TGFBR3: variants seen among roughly 807,000 people sequenced by gnomAD.
The protein encoded by TGFBR3 is transforming growth factor beta receptor type 3.
A neutral mutation model predicts 87.9 loss-of-function variants in TGFBR3; 46 were observed. That is an observed-to-expected ratio of 0.52 (90% CI 0.41 to 0.67). The LOEUF (loss-of-function observed/expected upper bound fraction) is 0.67, where lower values mean the gene tolerates loss of function less well. TGFBR3 is among the 30% of genes least tolerant of loss of function. The pLI, the probability that TGFBR3 is intolerant of heterozygous loss-of-function variation, is 0.00. For synonymous variants in TGFBR3, 381 were observed against 391.6 expected (o/e 0.97, Z 0.32); for missense variants, 866 against 1,041.9 (o/e 0.83, Z 2.32).
chr1:91,721,089 G>C (rs1191334833), intron 8 of TGFBR3, among the ~76,000 whole-genome samples: 3 of 152,120 alleles, frequency 2.0e-5, no homozygotes, highest in Non-Finnish European at 4.4e-5. Flanking sequence ...ATGTACACTT[G>C]AGGTCAAATC....
In TGFBR3 at chr1:91,729,903, A is replaced by G. The variant is rs1484965787; in HGVS notation, c.639T>C (p.Leu213=). ...FLSLNYLAEY[L]QPKAAEGCVM... ...CACACCCTTCTGCTGCTTTGGGTTG[A>G]AGGTACTCAGCAAGGTAATTGAGTG... Residue 213 remains leucine, a synonymous_variant, in exon 6 of 17, where the codon CTT becomes CTC. Transcript: ENST00000212355. The G allele has an allele frequency of 6.2e-7, 1 of 1,614,144 alleles. No homozygotes were observed. The highest frequency in any genetic ancestry group is 8.5e-7 in the Non-Finnish European group (1 of 1,180,014).
Position 91,885,928 on chromosome 1 carries a change from A to G in TGFBR3, c.-164T>C, listed in dbSNP as rs1180115613. 1.1e-5 allele frequency: 5 copies of G among 445,138 alleles called. No individual in the cohort carries two copies. The highest frequency in any genetic ancestry group is 2.0e-5 in the African/African-American group (1 of 49,638). 27.6% of individuals were successfully genotyped at this position (445,138 alleles called of 1,614,324 possible). A position where few individuals can be genotyped will look rare whatever the true frequency, so the allele number is the denominator to read the frequency against. On this transcript the variant is annotated 5_prime_UTR_variant, in exon 1 of 17. Coordinates refer to ENST00000212355, the MANE Select transcript of TGFBR3 (RefSeq NM_003243.5). ...ATCCACCCGCAGCAAGTTGGAGGAA[A>G]GCGGCGGCAAGTTTCCCCGCCCAGC...
At chr1:91,774,415 C>T (rs528814359) in intron 3 of TGFBR3, among the ~76,000 whole-genome samples, 31 of 152,228 alleles carry the variant, frequency 2.0e-4, no homozygotes, top group African/African-American at 3.6e-4. Context: ...GGATTATAGG[C>T]GTAAGCCACT....
rs772068416 is a variant in TGFBR3, at chr1:91,683,012, C to A, written c.*727G>T. The stretch of plus-strand genomic sequence containing the variant: ...AATTTCTGTAGGCCTGTAAGAAATA[C>A]AAAATTTGCATTAAGACATTTTGCA... On this transcript the variant is annotated 3_prime_UTR_variant, in exon 17 of 17. Coordinates refer to ENST00000212355, the MANE Select transcript of TGFBR3 (RefSeq NM_003243.5). 34 of 454,344 alleles carry A rather than the reference C, an allele frequency of 7.5e-5. No individual in the cohort carries two copies. The highest frequency in any genetic ancestry group is 1.3e-4 in the Non-Finnish European group (30 of 226,796). 28.1% of individuals were successfully genotyped at this position (454,344 alleles called of 1,614,324 possible). A position where few individuals can be genotyped will look rare whatever the true frequency, so the allele number is the denominator to read the frequency against.
intron 1 of TGFBR3, among the ~76,000 whole-genome samples, chr1:91,905,609 T>G (rs1161246976): frequency 6.6e-6 from 1 of 152,042 alleles, no homozygotes; most frequent in East Asian, 1.9e-4. Flanking sequence ...ATTTTTTGTA[T>G]TTTTAGTAGA....
intron 3 of TGFBR3, among the ~76,000 whole-genome samples, chr1:91,768,367 T>C (rs1202188421): frequency 2.0e-5 from 3 of 152,248 alleles, no homozygotes; most frequent in Non-Finnish European, 4.4e-5. Flanking sequence ...TGTATTTTTA[T>C]CACCTTAGAA....
intron 3 of TGFBR3, among the ~76,000 whole-genome samples, chr1:91,769,479 A>C: frequency 6.6e-6 from 1 of 151,112 alleles, no homozygotes; most frequent in African/African-American, 2.4e-5. Context: ...TTTCTTCCCC[A>C]CCTGGCCACC....
intron 3 of TGFBR3, among the ~76,000 whole-genome samples, chr1:91,763,362 C>G (rs1449089564): frequency 6.6e-6 from 1 of 152,216 alleles, no homozygotes; most frequent in Non-Finnish European, 1.5e-5. Flanking sequence ...TTCAACATTT[C>G]TGATTCTTAG....
At chr1:91,751,936 A>G (rs1207525900) in intron 4 of TGFBR3, among the ~76,000 whole-genome samples, 1 of 152,226 alleles carries the variant, frequency 6.6e-6, no homozygotes, top group African/African-American at 2.4e-5. Flanking sequence ...CGTACTATCA[A>G]AGAATCACAG....
intron 2 of TGFBR3, among the ~76,000 whole-genome samples, chr1:91,835,009 T>C (rs538699842): frequency 3.0e-4 from 45 of 151,976 alleles, no homozygotes; most frequent in Non-Finnish European, 6.2e-4. Context: ...ACAAAGAAGC[T>C]CCTCCTCCAG....
At chr1:91,704,120 G>A (rs1233652597) in intron 14 of TGFBR3, among the ~76,000 whole-genome samples, 1 of 152,050 alleles carries the variant, frequency 6.6e-6, no homozygotes. Flanking sequence ...CTCAGGTCAG[G>A]AGTTCAAGAC....
intron 5 of TGFBR3, among the ~76,000 whole-genome samples, chr1:91,734,490 C>A (rs1267122831): frequency 6.6e-6 from 1 of 152,166 alleles, no homozygotes; most frequent in Non-Finnish European, 1.5e-5. Context: ...TTTTTGACTT[C>A]TGTGCATGGG....
At chr1:91,852,077 T>C (rs1677756754) in intron 2 of TGFBR3, among the ~76,000 whole-genome samples, 1 of 152,110 alleles carries the variant, frequency 6.6e-6, no homozygotes, top group Non-Finnish European at 1.5e-5. Context: ...GGCGAAACCT[T>C]GTCTCTACAA....
intron 2 of TGFBR3, among the ~76,000 whole-genome samples, chr1:91,892,552 TTTC>T (rs1310185416): frequency 6.6e-6 from 1 of 152,166 alleles, no homozygotes; most frequent in Non-Finnish European, 1.5e-5. Context: ...GAAACATAAC[TTTC>T]TTATTTTTTA....
Position 91,727,682 on chromosome 1 carries a change from C to T in TGFBR3, c.862G>A (p.Val288Ile), listed in dbSNP as rs1034507604. Residue 288 changes from valine to isoleucine, a missense_variant, in exon 7 of 17, where the codon GTT becomes ATT. Transcript: ENST00000212355. ...SVNWVIKSFD[V>I]KGSLKIIAPN... ...ACAATAATTTTCAGGCTTCCCTTAACATCAAAAGATTTGATCACCCAGTTG... is the reference window on the plus strand; with the variant it reads ...ACAATAATTTTCAGGCTTCCCTTAATATCAAAAGATTTGATCACCCAGTTG... The T allele has an allele frequency of 8.1e-6, 13 of 1,614,032 alleles. No individual in the cohort carries two copies. The highest frequency in any genetic ancestry group is 1.3e-5 in the African/African-American group (1 of 74,940).
intron 4 of TGFBR3, among the ~76,000 whole-genome samples, chr1:91,751,010 T>A (rs758368476): frequency 3.3e-5 from 5 of 152,154 alleles, no homozygotes; most frequent in African/African-American, 4.8e-5. Context: ...AATGGGAAGC[T>A]CCCTGACGAC....
intron 4 of TGFBR3, among the ~76,000 whole-genome samples, chr1:91,745,118 G>A (rs1673295278): frequency 6.6e-6 from 1 of 152,098 alleles, no homozygotes; most frequent in Non-Finnish European, 1.5e-5. Context: ...AGGCCCTTGG[G>A]GCTGCTCTAA....
chr1:91,780,994 T>C (rs184498382), intron 3 of TGFBR3, among the ~76,000 whole-genome samples: 3 of 151,514 alleles, frequency 2.0e-5, no homozygotes, highest in East Asian at 3.9e-4. Context: ...CTATGTGAAC[T>C]GATGAACTGA....
At chr1:91,863,858 C>T (rs1267668665) in intron 1 of TGFBR3, 1 of 152,160 alleles carries the variant, frequency 6.6e-6, no homozygotes, top group Non-Finnish European at 1.5e-5. Context: ...TTTCTGTCAC[C>T]ATAATTCCAC....
Sources: allele counts gnomAD v4.1 joint callset (sites outside exome capture counted in the v4.1 genomes callset), GRCh38; gene constraint gnomAD v4.1.1; transcripts MANE v1.5; gene names NCBI Gene and HGNC (gene_info 2026-07-23, HGNC 2026-07-21).